The following MAMLD1 variants were observed in gnomAD, a reference collection of about 807,000 sequenced individuals.
The protein encoded by MAMLD1 is mastermind-like domain-containing protein 1.
MAMLD1 carries 14 observed loss-of-function variants against 45.0 expected under a neutral mutation model. The ratio of observed to expected loss-of-function variants is 0.31; its 90% CI spans 0.21 to 0.49. The LOEUF (loss-of-function observed/expected upper bound fraction) is 0.49, where lower values mean the gene tolerates loss of function less well. Ranked by LOEUF, MAMLD1 falls within the 20% of genes least tolerant of loss-of-function variation. The pLI, the probability that MAMLD1 is intolerant of heterozygous loss-of-function variation, is 0.99. For missense variants in MAMLD1, 543 were observed against 603.6 expected (o/e 0.90, Z 1.05); for synonymous variants, 254 against 247.8 (o/e 1.02, Z -0.24).
chrX:150,429,146 C>CT (rs782222377), intron 1 of MAMLD1, among the ~76,000 whole-genome samples: 9 of 109,637 alleles, frequency 8.2e-5, no homozygotes, highest in African/African-American at 2.7e-4. Context: ...TCAGAGGCCT[C>CT]TTTTTTTTCT....
Position 150,512,820 on chromosome X carries a change from A to C in MAMLD1, c.*861A>C, listed in dbSNP as rs188898368. The C allele has an allele frequency of 4.7e-3, 5,392 of 1,154,158 alleles. 16 individuals carry two copies. Among genetic ancestry groups the C allele is most frequent in the Non-Finnish European group, 5.5e-3 (4,840 of 872,609 alleles). ...TTCCCAGGTCCGTTCGACAGAACGG[A>C]TATTCCCCCTGAGCTGCCACCTGCC... is the stretch of plus-strand genomic sequence containing the variant. On this transcript the variant is annotated 3_prime_UTR_variant, in exon 8 of 8. Transcript: ENST00000370401.
At chrX:150,436,032 G>C (rs781968936) in intron 1 of MAMLD1, among the ~76,000 whole-genome samples, 1 of 111,889 alleles carries the variant, frequency 8.9e-6, no homozygotes, top group Non-Finnish European at 1.9e-5. Flanking sequence ...TAAGAATGCT[G>C]AATATAGGCC....
intron 7 of MAMLD1, 147 bp from the exon 8 acceptor site, chrX:150,511,857 G>A (rs1557409125): frequency 2.4e-6 from 1 of 416,109 alleles, no homozygotes; most frequent in Admixed American, 5.0e-5. Context: ...GAATGGCGAG[G>A]AACTGGGGAG....
intron 5 of MAMLD1, among the ~76,000 whole-genome samples, chrX:150,486,103 A>G (rs2036976226): frequency 8.9e-6 from 1 of 111,806 alleles, no homozygotes; most frequent in African/African-American, 3.3e-5. Context: ...GGTTGGGTGG[A>G]CTTCAGGGTT....
chrX:150,485,266 C>G (rs1392755108), intron 5 of MAMLD1, among the ~76,000 whole-genome samples: 1 of 111,103 alleles, frequency 9.0e-6, no homozygotes, highest in Non-Finnish European at 1.9e-5. Flanking sequence ...TAACCCTGAA[C>G]TTGATTTATG....
intron 5 of MAMLD1, 148 bp downstream of exon 5, chrX:150,473,950 G>A: frequency 1.5e-6 from 1 of 645,829 alleles, no homozygotes; most frequent in African/African-American, 2.1e-5. Flanking sequence ...CCTAGGTGGG[G>A]TTGGAGAAAG....
intron 1 of MAMLD1, among the ~76,000 whole-genome samples, chrX:150,401,676 C>T (rs1380573223): frequency 8.9e-6 from 1 of 111,920 alleles, no homozygotes; most frequent in African/African-American, 3.3e-5. Flanking sequence ...AACTATACTA[C>T]AAGGCTACAG....
At chrX:150,367,317 A>G (rs1281992026) in intron 1 of MAMLD1, among the ~76,000 whole-genome samples, 1 of 111,199 alleles carries the variant, frequency 9.0e-6, no homozygotes, top group Admixed American at 9.5e-5. Context: ...GAGATTCACT[A>G]CTGTCAATCC....
intron 5 of MAMLD1, among the ~76,000 whole-genome samples, chrX:150,500,612 A>G (rs1257677864): frequency 8.9e-6 from 1 of 111,954 alleles, no homozygotes; most frequent in African/African-American, 3.2e-5. Context: ...GAAATAGTGT[A>G]GACCTTGTCA....
chrX:150,478,043 G>T (rs1256036548), intron 5 of MAMLD1, among the ~76,000 whole-genome samples: 2 of 112,175 alleles, frequency 1.8e-5, no homozygotes, highest in African/African-American at 3.2e-5. Flanking sequence ...AAGAATCTTT[G>T]CAGAAACCCA....
chrX:150,470,216 G>A lies in MAMLD1; in HGVS notation c.643G>A (p.Ala215Thr). 1 of 1,211,564 alleles carries A rather than the reference G, an allele frequency of 8.3e-7. No individual in the cohort carries two copies. Among genetic ancestry groups the A allele is most frequent in the Non-Finnish European group, 1.1e-6 (1 of 895,538 alleles). The change falls in exon 4 of 8, where the codon GCA (alanine) becomes ACA (threonine). Residue 215 changes from alanine to threonine, a missense_variant. Physicochemically the swap from Ala to Thr is moderately conservative, Grantham distance 58 (BLOSUM62 0). Coordinates refer to ENST00000370401, the MANE Select transcript of MAMLD1 (RefSeq NM_005491.5). ...EEPLVLDHPQ[A>T]TLSTTPKPSV... Reference sequence around the variant, plus strand: ...GCCACTGGTTTTAGATCATCCCCAGGCAACCCTAAGCACAACTCCCAAGCC... The same window carrying A: ...GCCACTGGTTTTAGATCATCCCCAGACAACCCTAAGCACAACTCCCAAGCC...
intron 5 of MAMLD1, among the ~76,000 whole-genome samples, chrX:150,477,612 T>C (rs1557406915): frequency 8.9e-6 from 1 of 111,984 alleles, no homozygotes; most frequent in Non-Finnish European, 1.9e-5. Context: ...TGTGGTTTCC[T>C]GAGTGCCCCT....
chrX:150,365,325 G>T (rs930288195), intron 1 of MAMLD1, among the ~76,000 whole-genome samples: 7 of 112,024 alleles, frequency 6.2e-5, no homozygotes, highest in African/African-American at 2.3e-4. Flanking sequence ...CCACGAAGGC[G>T]CACGGAGCCT....
intron 5 of MAMLD1, among the ~76,000 whole-genome samples, chrX:150,489,548 C>G (rs2037107990): frequency 9.5e-6 from 1 of 105,718 alleles, no homozygotes. Context: ...TAGGTAGGTG[C>G]AAAAGTAATT....
chrX:150,397,832 G>C lies in MAMLD1; in HGVS notation c.-64+34302G>C, dbSNP rs968994850. Reference sequence around the variant, plus strand: ...CTATGGTCATGAAATCTATGTGTTAGATGGAACCATCAAGTCATCTATCAT... The same window carrying C: ...CTATGGTCATGAAATCTATGTGTTACATGGAACCATCAAGTCATCTATCAT... On this transcript the variant is annotated intron_variant, in intron 1 of 7. Transcript: ENST00000370401. Among the ~76,000 whole-genome samples the C allele has an allele frequency of 2.7e-5, 3 of 111,505 alleles. 1 individual carries two copies. Among genetic ancestry groups the C allele is most frequent in the African/African-American group, 9.8e-5 (3 of 30,600 alleles).
At chrX:150,392,642 C>T (rs781834955) in intron 1 of MAMLD1, among the ~76,000 whole-genome samples, 1 of 110,174 alleles carries the variant, frequency 9.1e-6, no homozygotes, top group Non-Finnish European at 1.9e-5. Flanking sequence ...GCTGAAACCA[C>T]AGGAGAGGGA....
At chrX:150,424,567 C>T (rs1557403729) in intron 1 of MAMLD1, among the ~76,000 whole-genome samples, 1 of 111,813 alleles carries the variant, frequency 8.9e-6, no homozygotes, top group Non-Finnish European at 1.9e-5. Context: ...TGTTGATGGC[C>T]CATTTCAAAG....
intron 1 of MAMLD1, among the ~76,000 whole-genome samples, chrX:150,410,848 G>A (rs1488613383): frequency 8.9e-6 from 1 of 111,906 alleles, no homozygotes; most frequent in Non-Finnish European, 1.9e-5. Flanking sequence ...TGAACCACCT[G>A]ACTACACTGC....
At chrX:150,409,305 C>G (rs1257599311) in intron 1 of MAMLD1, among the ~76,000 whole-genome samples, 2 of 111,430 alleles carry the variant, frequency 1.8e-5, no homozygotes, top group African/African-American at 6.5e-5. Flanking sequence ...TGGCTTTTCC[C>G]CTTGTTAAGA....
Sources: gnomAD v4.1 joint callset for allele counts (sites outside exome capture counted in the v4.1 genomes callset) on GRCh38, gnomAD v4.1.1 for gene constraint, MANE v1.5 for transcripts, NCBI Gene and HGNC (gene_info 2026-07-23, HGNC 2026-07-21) for gene names.